The following VAV3 variants were observed in gnomAD, a reference collection of about 807,000 sequenced individuals.
VAV3 encodes guanine nucleotide exchange factor VAV3.
A neutral mutation model predicts 131.2 loss-of-function variants in VAV3; 94 were observed. That is an observed-to-expected ratio of 0.72 (90% CI 0.61 to 0.85). VAV3 has a LOEUF of 0.85. Among genes scored for constraint, VAV3 ranks in the 40% least tolerant of loss-of-function variants. VAV3 has a pLI of 0.00. For missense variants in VAV3, 939 were observed against 1,002.7 expected, an observed-to-expected ratio of 0.94 and a Z score of 0.86; for synonymous variants, 349 against 342.0, an observed-to-expected ratio of 1.02 and a Z score of -0.22.
At chr1:107,646,887 A>C (rs755984652) in intron 19 of VAV3, among the ~76,000 whole-genome samples, 28 of 152,006 alleles carry the variant, frequency 1.8e-4, no homozygotes, top group Non-Finnish European at 3.5e-4. Context: ...GTGTTTTTAA[A>C]AGGGGGACCT....
intron 21 of VAV3, among the ~76,000 whole-genome samples, chr1:107,612,512 C>A (rs1652832288): frequency 6.6e-6 from 1 of 152,090 alleles, no homozygotes; most frequent in Non-Finnish European, 1.5e-5. Flanking sequence ...TGTCCTTGAG[C>A]ACCATGATAA....
chr1:107,784,290 C>T (rs1482273832), intron 2 of VAV3, among the ~76,000 whole-genome samples: 1 of 152,034 alleles, frequency 6.6e-6, no homozygotes, highest in Non-Finnish European at 1.5e-5. Context: ...TTGTCATTAA[C>T]AATAAAGCAG....
chr1:107,821,570 A>T (rs1259167848), intron 2 of VAV3, among the ~76,000 whole-genome samples: 3 of 152,208 alleles, frequency 2.0e-5, no homozygotes, highest in Non-Finnish European at 4.4e-5. Context: ...AGGTGGGAGA[A>T]AGTGTGTGGC....
chr1:107,749,572 C>A lies in VAV3; in HGVS notation c.1282G>T (p.Ala428Ser). 3.7e-6 allele frequency: 6 copies of A among 1,610,636 alleles called. No individual in the cohort carries two copies. Among genetic ancestry groups the A allele is most frequent in the Non-Finnish European group, 5.1e-6 (6 of 1,179,006 alleles). Residue 428 changes from alanine to serine, a missense_variant, in exon 14 of 27, where the codon GCA (alanine) becomes TCA (serine). Ala to Ser is a moderately conservative substitution (Grantham distance 99). Coordinates refer to ENST00000370056, the MANE Select transcript of VAV3 (RefSeq NM_006113.5). ...CCTTTTCTCTTACATACGATCACTG[C>A]CAAATCAAATAAGAAGATATGCCTG... ...QERHIFLFDL[A>S]VIVCKRKGDN...
At chr1:107,829,285 A>G (rs1236259796) in intron 2 of VAV3, among the ~76,000 whole-genome samples, 1 of 152,216 alleles carries the variant, frequency 6.6e-6, no homozygotes, top group East Asian at 1.9e-4. Flanking sequence ...TGATATTGTT[A>G]AAGTCAAACA....
At chr1:107,756,394 A>T (rs192558033) in intron 11 of VAV3, among the ~76,000 whole-genome samples, 17 of 152,312 alleles carry the variant, frequency 1.1e-4, no homozygotes, top group Admixed American at 1.1e-3. Flanking sequence ...GGATAGATCC[A>T]TAAACGACTT....
intron 2 of VAV3, among the ~76,000 whole-genome samples, chr1:107,790,924 G>A (rs988457021): frequency 1.3e-5 from 2 of 151,980 alleles, no homozygotes; most frequent in African/African-American, 4.8e-5. Context: ...CTGACCTCAT[G>A]ATCTGCCCGC....
At chr1:107,779,572 A>T (rs1186107049) in intron 2 of VAV3, 80 bp from the exon 3 acceptor site, 2 of 1,078,698 alleles carry the variant, frequency 1.9e-6, no homozygotes, top group Non-Finnish European at 2.6e-6. Context: ...TTTCAATCTA[A>T]TATTAACCAT....
intron 1 of VAV3, among the ~76,000 whole-genome samples, chr1:107,910,502 C>G (rs1351332618): frequency 6.6e-6 from 1 of 152,188 alleles, no homozygotes; most frequent in Non-Finnish European, 1.5e-5. Flanking sequence ...GCAGTGACAG[C>G]TGACAGCAAG....
At chr1:107,683,381 G>A in intron 19 of VAV3, 107 bp downstream of exon 19, 1 of 1,304,016 alleles carries the variant, frequency 7.7e-7, no homozygotes, top group Non-Finnish European at 1.1e-6. Flanking sequence ...ACCAAATTAT[G>A]AGGAACAAAG....
intron 2 of VAV3, among the ~76,000 whole-genome samples, chr1:107,795,525 C>T (rs1666494592): frequency 6.6e-6 from 1 of 151,968 alleles, no homozygotes; most frequent in Admixed American, 6.5e-5. Context: ...ACCTATCTCC[C>T]CTCCCCCCAG....
chr1:107,735,904 A>C (rs1197998431), intron 15 of VAV3, among the ~76,000 whole-genome samples: 1 of 152,184 alleles, frequency 6.6e-6, no homozygotes, highest in African/African-American at 2.4e-5. Flanking sequence ...ACAACAACAA[A>C]AAAAGAGAAT....
intron 2 of VAV3, among the ~76,000 whole-genome samples, chr1:107,805,691 C>G (rs1307717289): frequency 6.6e-6 from 1 of 152,116 alleles, no homozygotes; most frequent in East Asian, 1.9e-4. Flanking sequence ...TTGGGGAGGT[C>G]ATGGTTCCCT....
intron 1 of VAV3, among the ~76,000 whole-genome samples, chr1:107,960,337 G>A (rs575412454): frequency 6.8e-4 from 103 of 152,116 alleles, no homozygotes; most frequent in African/African-American, 2.3e-3. Context: ...GTAGTGGCAC[G>A]TGCCTGTAGT....
At chr1:107,719,982 T>C (rs1361247105) in intron 15 of VAV3, among the ~76,000 whole-genome samples, 1 of 152,158 alleles carries the variant, frequency 6.6e-6, no homozygotes, top group East Asian at 1.9e-4. Flanking sequence ...CACCGCATTT[T>C]CTCACTCATC....
intron 2 of VAV3, among the ~76,000 whole-genome samples, chr1:107,854,634 G>A (rs1669381098): frequency 6.6e-6 from 1 of 152,150 alleles, no homozygotes; most frequent in Non-Finnish European, 1.5e-5. Flanking sequence ...TCTAGATGTT[G>A]CTAAATCTAA....
At chr1:107,654,611 C>T (rs12750286) in intron 19 of VAV3, among the ~76,000 whole-genome samples, 53,036 of 151,868 alleles carry the variant, frequency 0.35, 10,841 homozygotes, top group East Asian at 0.6. Context: ...ACCTTCCTTC[C>T]TTTTTCCCTC....
chr1:107,681,811 C>G lies in VAV3; in HGVS notation c.1777+1677G>C, dbSNP rs528047679. On this transcript the variant is annotated intron_variant, in intron 19 of 26. Coordinates refer to ENST00000370056, the MANE Select transcript of VAV3 (RefSeq NM_006113.5). Reference sequence around the variant, plus strand: ...TGGGACTACAGGCACCCGCCACCACCCCCAGCTATTTTTTTTTTGCTTGTA... The same window carrying G: ...TGGGACTACAGGCACCCGCCACCACGCCCAGCTATTTTTTTTTTGCTTGTA... Among the ~76,000 whole-genome samples, 1,004 of 152,052 alleles carry G rather than the reference C, an allele frequency of 6.6e-3. 12 individuals are homozygous for G. Among genetic ancestry groups the G allele is most frequent in the African/African-American group, 0.023 (943 of 41,476 alleles).
intron 2 of VAV3, among the ~76,000 whole-genome samples, chr1:107,848,332 T>C (rs1231441369): frequency 8.5e-6 from 1 of 117,960 alleles, no homozygotes. Context: ...AAAAAAAAAA[T>C]AGTGGCAAAC....
Sources: allele counts gnomAD v4.1 joint callset (sites outside exome capture counted in the v4.1 genomes callset), GRCh38; gene constraint gnomAD v4.1.1; transcripts MANE v1.5; gene names NCBI Gene and HGNC (gene_info 2026-07-23, HGNC 2026-07-21).